Variants in CHM observed in about 807,000 individuals in gnomAD.
The protein encoded by CHM is CHM Rab escort protein.
CHM carries 10 observed loss-of-function variants against 49.0 expected under a neutral mutation model. The ratio of observed to expected loss-of-function variants is 0.20; its 90% CI spans 0.13 to 0.35. The LOEUF is 0.35. CHM is among the 10% of genes least tolerant of loss of function. The pLI is 1.00. For synonymous variants in CHM, 184 were observed against 167.5 expected (o/e 1.10, Z -0.76); for missense variants, 455 against 478.4 (o/e 0.95, Z 0.46).
At chrX:86,024,836 C>G (rs1217058070) in intron 2 of CHM, among the ~76,000 whole-genome samples, 1 of 111,778 alleles carries the variant, frequency 8.9e-6, no homozygotes, top group Non-Finnish European at 1.9e-5. Context: ...AGTTGAGAAA[C>G]TGGGTAGACG....
chrX:86,027,662 G>C, intron 1 of CHM, 105 bp from the exon 2 acceptor site: 2 of 619,615 alleles, frequency 3.2e-6, no homozygotes, highest in Admixed American at 2.5e-5. Flanking sequence ...AACCACCAAA[G>C]AGACCCATCC....
At chrX:85,960,492 CA>C (rs1930235917) in intron 5 of CHM, among the ~76,000 whole-genome samples, 1 of 110,067 alleles carries the variant, frequency 9.1e-6, no homozygotes, top group African/African-American at 3.3e-5. Context: ...GGCTCAATCT[CA>C]GCTCACTGCA....
At chrX:85,957,516 T>C (rs1003874544) in intron 7 of CHM, among the ~76,000 whole-genome samples, 14 of 110,894 alleles carry the variant, frequency 1.3e-4, no homozygotes, top group African/African-American at 4.3e-4. Context: ...TTATCATCTA[T>C]GAAGAGCCAG....
chrX:85,894,209 T>G lies in CHM; in HGVS notation c.1489A>C (p.Met497Leu). ...TTACAGGTGCCTTTCATGCATGTCA[T>G]CGTTGAAGAACATAACTCAATGACC... is the stretch of plus-strand genomic sequence containing the variant. ...VRVIELCSST[M>L]TCMKGTYLVH... Residue 497 changes from methionine to leucine, a missense_variant, in exon 12 of 15, where the codon ATG (methionine) becomes CTG (leucine). Coordinates refer to ENST00000357749, the MANE Select transcript of CHM (RefSeq NM_000390.4). 8.3e-7 allele frequency: 1 copy of G among 1,209,365 alleles called. No individual in the cohort carries two copies. The highest frequency in any genetic ancestry group is 1.1e-6 in the Non-Finnish European group (1 of 893,438).
intron 12 of CHM, among the ~76,000 whole-genome samples, chrX:85,888,351 G>C (rs1486834882): frequency 8.9e-6 from 1 of 112,314 alleles, no homozygotes; most frequent in East Asian, 2.8e-4. Flanking sequence ...AAAGAGTTTT[G>C]ATAAGATAAT....
At chrX:85,975,254 G>T (rs1185211954) in intron 4 of CHM, among the ~76,000 whole-genome samples, 1 of 112,009 alleles carries the variant, frequency 8.9e-6, no homozygotes, top group Admixed American at 9.5e-5. Flanking sequence ...AACTAAATAT[G>T]CAATTACCAT....
intron 11 of CHM, among the ~76,000 whole-genome samples, chrX:85,896,186 ACT>A (rs1179904618): frequency 1.8e-5 from 2 of 109,996 alleles, no homozygotes; most frequent in East Asian, 2.9e-4. Context: ...AAAGAAGAAA[ACT>A]CTCTACAGGG....
chrX:85,897,141 A>AAG (rs1394738977), intron 11 of CHM, among the ~76,000 whole-genome samples: 1 of 89,199 alleles, frequency 1.1e-5, no homozygotes, highest in Non-Finnish European at 2.1e-5. Context: ...AAATAAGTAT[A>AAG]TATAATATAT....
chrX:86,027,819 A>G (rs1933894149), intron 1 of CHM, among the ~76,000 whole-genome samples: 2 of 110,781 alleles, frequency 1.8e-5, no homozygotes, highest in Admixed American at 9.6e-5. Flanking sequence ...GCTGGAGTAC[A>G]GTGGCGCGAT....
intron 12 of CHM, among the ~76,000 whole-genome samples, chrX:85,890,022 A>G (rs2148138279): frequency 9.0e-6 from 1 of 111,211 alleles, no homozygotes. Context: ...ACAGATGGGA[A>G]CAATAGACAC....
intron 14 of CHM, among the ~76,000 whole-genome samples, chrX:85,869,828 T>C (rs1446848769): frequency 8.9e-6 from 1 of 112,291 alleles, no homozygotes; most frequent in Non-Finnish European, 1.9e-5. Context: ...GTAAAAAATT[T>C]CAGGTGGTTA....
At chrX:85,871,466 C>T (rs1014581951) in intron 14 of CHM, among the ~76,000 whole-genome samples, 5 of 109,778 alleles carry the variant, frequency 4.6e-5, no homozygotes, top group Non-Finnish European at 9.5e-5. Flanking sequence ...GGCTGATACA[C>T]AGGAATTAGC....
chrX:85,905,523 A>C (rs1017397310), intron 9 of CHM, among the ~76,000 whole-genome samples: 17 of 112,072 alleles, frequency 1.5e-4, no homozygotes, highest in Middle Eastern at 9.2e-3. Context: ...CAGTGATAAA[A>C]GATAAGGATA....
At chrX:86,014,582 G>A (rs184394123) in intron 2 of CHM, among the ~76,000 whole-genome samples, 100 of 112,957 alleles carry the variant, frequency 8.9e-4, no homozygotes, top group Non-Finnish European at 1.3e-3. Context: ...GCCAGGACCA[G>A]GCGAGGCCCA....
chrX:85,908,957 T>G (rs753905254), intron 9 of CHM, among the ~76,000 whole-genome samples: 2 of 111,828 alleles, frequency 1.8e-5, no homozygotes, highest in Non-Finnish European at 3.8e-5. Context: ...CCAAGTACTT[T>G]CTAAGAACAT....
Position 85,900,713 on chromosome X carries a change from T to G in CHM, c.1350-4A>C, listed in dbSNP as rs773089241. ...CAGCACTGCCCTGGAGATCTGCCTGTAATGCACAAAACAGTGAAGCAGTAA... is the reference window on the plus strand; with the variant it reads ...CAGCACTGCCCTGGAGATCTGCCTGGAATGCACAAAACAGTGAAGCAGTAA... On this transcript the variant is annotated splice_polypyrimidine_tract_variant and splice_region_variant and intron_variant, in intron 10 of 14. Transcript: ENST00000357749. 8.5e-7 allele frequency: 1 copy of G among 1,171,333 alleles called. No individual in the cohort carries two copies. Among genetic ancestry groups the G allele is most frequent in the South Asian group, 1.8e-5 (1 of 55,056 alleles).
chrX:85,897,312 T>TGTGC (rs1925951530), intron 11 of CHM, among the ~76,000 whole-genome samples: 1 of 95,527 alleles, frequency 1.0e-5, no homozygotes, highest in African/African-American at 4.1e-5. Context: ...TGTGCGTGTG[T>TGTGC]GTGTGTGTGT....
At chrX:86,028,692 ATT>A (rs1422923072) in intron 1 of CHM, among the ~76,000 whole-genome samples, 1 of 111,958 alleles carries the variant, frequency 8.9e-6, no homozygotes, top group Non-Finnish European at 1.9e-5. Flanking sequence ...CTCTTCAAAA[ATT>A]TTTGTCATAT....
intron 1 of CHM, among the ~76,000 whole-genome samples, chrX:86,039,249 G>A (rs1934360858): frequency 9.0e-6 from 1 of 111,442 alleles, no homozygotes; most frequent in Non-Finnish European, 1.9e-5. Context: ...AGTAACACAG[G>A]TGTAGAAAAT....
Sources: gnomAD v4.1 joint callset for allele counts (sites outside exome capture counted in the v4.1 genomes callset) on GRCh38, gnomAD v4.1.1 for gene constraint, MANE v1.5 for transcripts, NCBI Gene and HGNC (gene_info 2026-07-23, HGNC 2026-07-21) for gene names.